Variants in WIPF1 observed in about 807,000 individuals in gnomAD.
The protein encoded by WIPF1 is WAS/WASL-interacting protein family member 1.
Under a neutral mutation model 35.4 loss-of-function variants are expected in WIPF1, and 13 were observed. The observed-to-expected ratio is 0.37, with a 90% confidence interval of 0.24 to 0.58. The LOEUF is 0.58. Ranked by LOEUF, WIPF1 falls within the 20% of genes least tolerant of loss-of-function variation. WIPF1 has a pLI of 0.74. For synonymous variants in WIPF1, 267 were observed against 266.3 expected (o/e 1.00, Z -0.02); for missense variants, 591 against 667.0 (o/e 0.89, Z 1.25).
At chr2:174,674,903 TACACACACACACACACACACACAC>T (rs35062209) in intron 1 of WIPF1, among the ~76,000 whole-genome samples, 7 of 134,022 alleles carry the variant, frequency 5.2e-5, no homozygotes, top group Non-Finnish European at 8.0e-5. Context: ...CAGGTTCAAA[TACACACACACACACACACACACAC>T]ACACACACAC....
At chr2:174,593,218 A>ATC (rs147778511) in intron 1 of WIPF1, among the ~76,000 whole-genome samples, 1 of 151,766 alleles carries the variant, frequency 6.6e-6, no homozygotes, top group East Asian at 1.9e-4. Context: ...GTACATGTAC[A>ATC]TCTCTCTCTC....
intron 7 of WIPF1, among the ~76,000 whole-genome samples, 189 bp from the exon 8 acceptor site, chr2:174,562,791 T>C (rs1684522363): frequency 6.6e-6 from 1 of 152,202 alleles, no homozygotes; most frequent in South Asian, 2.1e-4. Flanking sequence ...ATAAACATCA[T>C]GGTGGGTGAT....
intron 1 of WIPF1, among the ~76,000 whole-genome samples, chr2:174,658,525 C>T (rs1687692717): frequency 1.3e-5 from 2 of 152,056 alleles, no homozygotes; most frequent in African/African-American, 4.8e-5. Context: ...AAACAAGGCT[C>T]CTAGCAAAGA....
chr2:174,681,735 G>C (rs1019434047), intron 1 of WIPF1, among the ~76,000 whole-genome samples: 21 of 152,244 alleles, frequency 1.4e-4, no homozygotes, highest in African/African-American at 4.8e-4. Flanking sequence ...ACGGACACAC[G>C]CTTTTCAGTA....
chr2:174,616,266 G>A lies in WIPF1; in HGVS notation c.-38-30655C>T, dbSNP rs569231295. On this transcript the variant is annotated intron_variant, in intron 1 of 8. Coordinates refer to the WIPF1 transcript ENST00000272746. The stretch of plus-strand genomic sequence containing the variant: ...GGCATTTATCCAGGGATTTTGATCC[G>A]TGCCAAAAGGGATGATGAGTTATCC... Among the ~76,000 whole-genome samples, 26 of 152,270 alleles carry A rather than the reference G, an allele frequency of 1.7e-4. No individual in the cohort carries two copies. The East Asian group carries it at 3.1e-3, about 18-fold the overall frequency.
At chr2:174,611,742 GTGTTAACCCA>G (rs1456213503) in intron 1 of WIPF1, among the ~76,000 whole-genome samples, 3 of 152,172 alleles carry the variant, frequency 2.0e-5, no homozygotes, top group Non-Finnish European at 2.9e-5. Flanking sequence ...GAGAAGAGAG[GTGTTAACCCA>G]TGTTAACCCA....
intron 1 of WIPF1, chr2:174,655,979 T>C (rs1375660022): frequency 6.6e-6 from 1 of 152,264 alleles, no homozygotes; most frequent in African/African-American, 2.4e-5. Flanking sequence ...CTCCATTAAA[T>C]TTGGGCTTTA....
At chr2:174,652,835 G>A (rs909211519) in intron 1 of WIPF1, among the ~76,000 whole-genome samples, 2 of 151,134 alleles carry the variant, frequency 1.3e-5, no homozygotes, top group Admixed American at 1.3e-4. Flanking sequence ...TTCCAAAACT[G>A]GCCTTTGAAC....
rs762388927 is a variant in WIPF1 at position 174,572,383 on chromosome 2, A to G, written c.422T>C (p.Phe141Ser). The G allele has an allele frequency of 5.6e-6, 9 of 1,613,854 alleles. No homozygotes were observed. The highest frequency in any genetic ancestry group is 3.3e-5 in the Admixed American group (2 of 59,988). The change falls in exon 5 of 8, where the codon TTT becomes TCT. Residue 141 changes from phenylalanine (F) to serine (S), a missense_variant. Physicochemically the swap from Phe to Ser is radical, Grantham distance 155 (BLOSUM62 -2). Coordinates refer to ENST00000679041, the MANE Select transcript of WIPF1 (RefSeq NM_001375834.1). Reference sequence around the variant, plus strand: ...CCTCCCTGGGCCACTTGGGGGTGAAAAGGGTTTCGCAGATGTGGATCTTCC... The same window carrying G: ...CCTCCCTGGGCCACTTGGGGGTGAAGAGGGTTTCGCAGATGTGGATCTTCC... The part of the protein sequence containing the change: ...PGGRSTSAKP[F>S]SPPSGPGRFP...
At chr2:174,681,560 G>A (rs923344273) in intron 1 of WIPF1, among the ~76,000 whole-genome samples, 2 of 152,220 alleles carry the variant, frequency 1.3e-5, no homozygotes, top group African/African-American at 4.8e-5. Flanking sequence ...TGAAGCTACA[G>A]TATTGTTTTG....
intron 3 of WIPF1, among the ~76,000 whole-genome samples, chr2:174,580,459 C>T (rs1358092777): frequency 6.6e-6 from 1 of 152,182 alleles, no homozygotes; most frequent in African/African-American, 2.4e-5. Flanking sequence ...CTTTACTTTG[C>T]AAAGATTCTG....
chr2:174,622,565 T>C lies in WIPF1; in HGVS notation c.-38-36954A>G, dbSNP rs142384925. Among the ~76,000 whole-genome samples, 2 of 152,312 alleles carry C rather than the reference T, an allele frequency of 1.3e-5. No homozygotes were observed. The highest frequency in any genetic ancestry group is 3.9e-4 in the East Asian group (2 of 5,178). On this transcript the variant is annotated intron_variant, in intron 1 of 8. Coordinates refer to the WIPF1 transcript ENST00000272746. The surrounding 1 kb of genome is among the most constrained non-coding windows in gnomAD (Gnocchi z 5.1). ...GTAACACTATAGGATCCCCTCTCTATGCCGCCAGTGCTCCGTGGGGTGCGC... is the reference window on the plus strand; with the variant it reads ...GTAACACTATAGGATCCCCTCTCTACGCCGCCAGTGCTCCGTGGGGTGCGC...
intron 5 of WIPF1, chr2:174,568,716 A>T (rs1361277663): frequency 6.6e-6 from 1 of 152,254 alleles, no homozygotes; most frequent in Non-Finnish European, 1.5e-5. Flanking sequence ...TATAAATGCT[A>T]ATGTGAATCT....
Position 174,561,864 on chromosome 2 carries a change from C to G in WIPF1, c.*683G>C, listed in dbSNP as rs2105782986. ...ATGTGCGGTAAGTGTAAAATACACTCTGGATTTTGAAGATTCAGTACCAAA... is the reference window on the plus strand; with the variant it reads ...ATGTGCGGTAAGTGTAAAATACACTGTGGATTTTGAAGATTCAGTACCAAA... On this transcript the variant is annotated 3_prime_UTR_variant, in exon 8 of 8. Transcript: ENST00000679041. 3.6e-6 allele frequency: 2 copies of G among 562,454 alleles called. No individual in the cohort carries two copies. The highest frequency in any genetic ancestry group is 3.2e-5 in the East Asian group (1 of 31,624). The allele number at this position is 562,454 out of a possible 1,614,324, so 34.8% of individuals were successfully genotyped here.
chr2:174,651,761 G>C (rs2105962252), intron 1 of WIPF1, among the ~76,000 whole-genome samples: 1 of 152,318 alleles, frequency 6.6e-6, no homozygotes, highest in South Asian at 2.1e-4. Context: ...AACTCAGCTA[G>C]ATAAAACCAC....
rs761432755 is a variant in WIPF1 at position 174,581,324 on chromosome 2, G to C, written c.167C>G (p.Ala56Gly). Residue 56 changes from alanine to glycine, a missense_variant, in exon 3 of 8, where the codon GCA (alanine) becomes GGA (glycine). Physicochemically the swap from Ala to Gly is moderately conservative, Grantham distance 60 (BLOSUM62 0). Around this residue, in one of 3 missense-constraint regions of WIPF1, gnomAD observed 471 missense variants for 501.1 expected, o/e 0.94. Coordinates refer to ENST00000679041, the MANE Select transcript of WIPF1 (RefSeq NM_001375834.1). ...TTTTTACTTACTGTCCAGTATTGGT[G>C]CACTTCTGTCATTGGTGACCGTCTT... ...LKKTVTNDRSAPILDKPKGAG... is the reference protein window; with the variant it reads ...LKKTVTNDRSGPILDKPKGAG... 1 of 1,614,032 alleles carries C rather than the reference G, an allele frequency of 6.2e-7. No individual in the cohort carries two copies. The highest frequency in any genetic ancestry group is 8.5e-7 in the Non-Finnish European group (1 of 1,179,950).
intron 1 of WIPF1, among the ~76,000 whole-genome samples, chr2:174,644,737 G>A (rs1183066862): frequency 1.3e-5 from 2 of 152,210 alleles, no homozygotes; most frequent in Non-Finnish European, 2.9e-5. Flanking sequence ...AATTGCTAAA[G>A]AGTTGAGGAG....
At chr2:174,579,882 A>T (rs532202310) in intron 3 of WIPF1, among the ~76,000 whole-genome samples, 17 of 152,122 alleles carry the variant, frequency 1.1e-4, no homozygotes, top group Middle Eastern at 3.4e-3. Context: ...GAGGGAATAT[A>T]TTATAACCAC....
At chr2:174,654,072 A>G (rs948752714) in intron 1 of WIPF1, among the ~76,000 whole-genome samples, 1 of 152,228 alleles carries the variant, frequency 6.6e-6, no homozygotes, top group South Asian at 2.1e-4. Flanking sequence ...AGAAAATTCA[A>G]ATAGAGTTCT....
Sources: gnomAD v4.1 joint callset for allele counts (sites outside exome capture counted in the v4.1 genomes callset) on GRCh38, gnomAD v4.1.1 for gene constraint, gnomAD v4.1.1 regional missense constraint, Gnocchi (gnomAD v3.1) non-coding constraint, MANE v1.5 for transcripts, NCBI Gene and HGNC (gene_info 2026-07-23, HGNC 2026-07-21) for gene names.